The following ARHGEF26 variants were observed in gnomAD, a reference collection of about 807,000 sequenced individuals.
The protein encoded by ARHGEF26 is Rho guanine nucleotide exchange factor 26, also known as Rho guanine nucleotide exchange factor (GEF) 26.
A neutral mutation model predicts 89.4 loss-of-function variants in ARHGEF26; 59 were observed. The observed-to-expected ratio is 0.66, with a 90% confidence interval of 0.54 to 0.82. The LOEUF (loss-of-function observed/expected upper bound fraction) is 0.82, where lower values mean the gene tolerates loss of function less well. Ranked by LOEUF, ARHGEF26 falls within the 40% of genes least tolerant of loss-of-function variation. The pLI is 0.00. For missense variants in ARHGEF26, 1,234 were observed against 1,085.6 expected, an observed-to-expected ratio of 1.14 and a Z score of -1.92; for synonymous variants, 500 against 428.4, an observed-to-expected ratio of 1.17 and a Z score of -2.06.
chr3:154,129,546 G>A, intron 3 of ARHGEF26, 28 bp from the exon 4 acceptor site: 1 of 1,602,814 alleles, frequency 6.2e-7, no homozygotes, highest in Non-Finnish European at 8.5e-7. Context: ...AGAACAATTA[G>A]TGACACATAG....
At chr3:154,213,369 G>C (rs1456624385) in intron 9 of ARHGEF26, among the ~76,000 whole-genome samples, 1 of 151,890 alleles carries the variant, frequency 6.6e-6, no homozygotes, top group Non-Finnish European at 1.5e-5. Flanking sequence ...ATATACTGAG[G>C]CTGCTTTCAA....
At chr3:154,223,137 A>G (rs1716244354) in intron 10 of ARHGEF26, among the ~76,000 whole-genome samples, 1 of 152,114 alleles carries the variant, frequency 6.6e-6, no homozygotes, top group African/African-American at 2.4e-5. Context: ...GGAGAAGTTG[A>G]GGTTTCTCAG....
chr3:154,234,800 T>C (rs1481401099), intron 11 of ARHGEF26, among the ~76,000 whole-genome samples: 6 of 152,170 alleles, frequency 3.9e-5, no homozygotes, highest in African/African-American at 7.2e-5. Context: ...GAGTCTCACT[T>C]TGTCGCCCAG....
chr3:154,136,014 G>A (rs1266079583), intron 4 of ARHGEF26, among the ~76,000 whole-genome samples: 1 of 152,154 alleles, frequency 6.6e-6, no homozygotes, highest in Non-Finnish European at 1.5e-5. Context: ...GTGCGTTTGT[G>A]TAATTTCCAT....
At position 154,149,816 on chromosome 3, in the gene ARHGEF26, A is replaced by G. The variant is rs1392266608; in HGVS notation, c.1326+371A>G. On this transcript the variant is annotated intron_variant, in intron 5 of 14. Coordinates refer to ENST00000465093, the MANE Select transcript of ARHGEF26 (RefSeq NM_015595.4). The stretch of plus-strand genomic sequence containing the variant: ...GTAGACAAATGTAGCCTATTTATGT[A>G]AGATACCCTAGGTTAGGGAAAGCTG... Among the ~76,000 whole-genome samples the G allele has an allele frequency of 7.9e-5, 12 of 152,228 alleles. 1 individual carries two copies. The highest frequency in any genetic ancestry group is 6.8e-3 in the Middle Eastern group (2 of 294).
At chr3:154,161,312 C>CAAATATAAAAAGACTT (rs71152789) in intron 6 of ARHGEF26, among the ~76,000 whole-genome samples, 11 of 152,104 alleles carry the variant, frequency 7.2e-5, no homozygotes, top group African/African-American at 2.2e-4. Context: ...TAAAAAGCCT[C>CAAATATAAAAAGACTT]AAGAAATATC....
chr3:154,153,025 A>C, intron 6 of ARHGEF26, 93 bp downstream of exon 6: 1 of 1,178,750 alleles, frequency 8.5e-7, no homozygotes, highest in African/African-American at 1.6e-5. Flanking sequence ...TCTGGTTATC[A>C]AGTCTCATTC....
intron 8 of ARHGEF26, among the ~76,000 whole-genome samples, chr3:154,191,916 G>A (rs1199893434): frequency 2.0e-5 from 3 of 152,234 alleles, no homozygotes; most frequent in African/African-American, 7.2e-5. Flanking sequence ...CGAAGTGAGT[G>A]AGGAAAGCCC....
At chr3:154,181,159 TCTTA>T (rs749197414) in intron 6 of ARHGEF26, among the ~76,000 whole-genome samples, 7 of 152,158 alleles carry the variant, frequency 4.6e-5, no homozygotes, top group Non-Finnish European at 1.0e-4. Context: ...CAGCCCCAAA[TCTTA>T]CTTACCGGCA....
At chr3:154,241,608 C>T (rs868072645) in intron 12 of ARHGEF26, among the ~76,000 whole-genome samples, 1 of 152,170 alleles carries the variant, frequency 6.6e-6, no homozygotes, top group Non-Finnish European at 1.5e-5. Flanking sequence ...TCTTAACAGG[C>T]GTAAGGACCA....
At chr3:154,220,185 G>A (rs1204404412) in intron 10 of ARHGEF26, among the ~76,000 whole-genome samples, 3 of 152,126 alleles carry the variant, frequency 2.0e-5, no homozygotes, top group Non-Finnish European at 4.4e-5. Context: ...GGTTCAATGA[G>A]GTTAAATGAT....
At chr3:154,159,563 T>C (rs1260465229) in intron 6 of ARHGEF26, among the ~76,000 whole-genome samples, 1 of 152,028 alleles carries the variant, frequency 6.6e-6, no homozygotes, top group African/African-American at 2.4e-5. Flanking sequence ...TTCCCTAATT[T>C]TAATCAAACT....
chr3:154,123,958 A>G (rs987972995), intron 2 of ARHGEF26, among the ~76,000 whole-genome samples: 11 of 152,360 alleles, frequency 7.2e-5, no homozygotes, highest in Non-Finnish European at 1.2e-4. Flanking sequence ...TTGGTTAATC[A>G]GAGCACTGGA....
chr3:154,190,806 T>G (rs1176992263), intron 7 of ARHGEF26, among the ~76,000 whole-genome samples: 2 of 152,260 alleles, frequency 1.3e-5, no homozygotes, highest in Admixed American at 1.3e-4. Context: ...AAAGAGGATC[T>G]TTGTGGCCTA....
chr3:154,136,076 A>G (rs1560045082), intron 4 of ARHGEF26, among the ~76,000 whole-genome samples: 1 of 152,162 alleles, frequency 6.6e-6, no homozygotes. Flanking sequence ...TTCAGCACCT[A>G]ATAGAGTCAT....
intron 12 of ARHGEF26, among the ~76,000 whole-genome samples, chr3:154,247,242 C>T (rs1409505170): frequency 1.3e-5 from 2 of 152,196 alleles, no homozygotes; most frequent in African/African-American, 4.8e-5. Flanking sequence ...AACATCAACA[C>T]TGCCCGTGGC....
intron 6 of ARHGEF26, among the ~76,000 whole-genome samples, chr3:154,177,200 C>G (rs866165258): frequency 5.3e-5 from 8 of 152,248 alleles, no homozygotes; most frequent in Non-Finnish European, 8.8e-5. Context: ...TTTTATAATT[C>G]TAAATTTACT....
chr3:154,188,624 G>A (rs900477179), intron 7 of ARHGEF26, among the ~76,000 whole-genome samples: 2 of 152,070 alleles, frequency 1.3e-5, no homozygotes, highest in Non-Finnish European at 2.9e-5. Context: ...GGCTGTTATC[G>A]TTCTCACCCC....
chr3:154,167,488 A>G (rs1002942571), intron 6 of ARHGEF26, among the ~76,000 whole-genome samples: 2 of 152,194 alleles, frequency 1.3e-5, no homozygotes, highest in Admixed American at 1.3e-4. Context: ...TTTAATTCAA[A>G]TATAATTCAG....
Sources: gnomAD v4.1 joint callset for allele counts (sites outside exome capture counted in the v4.1 genomes callset) on GRCh38, gnomAD v4.1.1 for gene constraint, MANE v1.5 for transcripts, NCBI Gene and HGNC (gene_info 2026-07-23, HGNC 2026-07-21) for gene names.